The following KCNJ6 variants were observed in gnomAD, a reference collection of about 807,000 sequenced individuals.
KCNJ6 encodes G protein-activated inward rectifier potassium channel 2.
A neutral mutation model predicts 34.2 loss-of-function variants in KCNJ6; 9 were observed. The ratio of observed to expected loss-of-function variants is 0.26; its 90% confidence interval spans 0.16 to 0.46. The LOEUF is 0.46. Among genes scored for constraint, KCNJ6 ranks in the 20% least tolerant of loss-of-function variants. KCNJ6 has a pLI of 1.00. For synonymous variants in KCNJ6, 196 were observed against 207.1 expected (o/e 0.95, Z 0.46); for missense variants, 236 against 531.3 (o/e 0.44, Z 5.46).
chr21:37,674,905 A>G (rs2054557881), intron 3 of KCNJ6, among the ~76,000 whole-genome samples: 2 of 152,192 alleles, frequency 1.3e-5, no homozygotes, highest in Admixed American at 6.5e-5. Flanking sequence ...TGAATGAATA[A>G]TGAATGAATG....
intron 2 of KCNJ6, among the ~76,000 whole-genome samples, chr21:37,820,007 C>G (rs916429092): frequency 1.3e-4 from 20 of 151,852 alleles, no homozygotes; most frequent in African/African-American, 4.6e-4. Flanking sequence ...AGGCTGGTCT[C>G]GAACTCCTGA....
At chr21:37,811,258 T>C (rs1038017152) in intron 2 of KCNJ6, among the ~76,000 whole-genome samples, 4 of 152,238 alleles carry the variant, frequency 2.6e-5, no homozygotes, top group African/African-American at 9.6e-5. Context: ...TCCTCATCTG[T>C]ATCTTTTATA....
intron 2 of KCNJ6, among the ~76,000 whole-genome samples, chr21:37,834,850 T>C (rs2055444077): frequency 6.6e-6 from 1 of 152,226 alleles, no homozygotes; most frequent in African/African-American, 2.4e-5. Context: ...AAAGAAACCA[T>C]AGTCTTTTTG....
At position 37,624,117 on chromosome 21, in the gene KCNJ6, TGGTGACA is replaced by T. The variant is rs2054300405; in HGVS notation, c.*1035_*1041del. The stretch of plus-strand genomic sequence containing the variant: ...CATGTGAAAAGTAAAAACATACCTT[TGGTGACA>T]GGCTAGAGAATATTTCCTTCCTGGT... On this transcript the variant is annotated 3_prime_UTR_variant, in exon 4 of 4. Transcript: ENST00000609713. 6.6e-6 allele frequency: 1 copy of T among 152,190 alleles called. No individual in the cohort carries two copies. The highest frequency in any genetic ancestry group is 1.5e-5 in the Non-Finnish European group (1 of 68,026). The allele number at this position is 152,190 out of a possible 1,614,324, so 9.4% of individuals were successfully genotyped here. A position where few individuals can be genotyped will look rare whatever the true frequency, so the allele number is the denominator to read the frequency against.
intron 3 of KCNJ6, among the ~76,000 whole-genome samples, chr21:37,701,801 G>A (rs2054692445): frequency 6.6e-6 from 1 of 152,140 alleles, no homozygotes; most frequent in Admixed American, 6.5e-5. Flanking sequence ...GTTGGGAAGA[G>A]GTTGGAGGTG....
At chr21:37,771,970 C>T (rs1009578400) in intron 2 of KCNJ6, among the ~76,000 whole-genome samples, 5 of 152,096 alleles carry the variant, frequency 3.3e-5, no homozygotes, top group Non-Finnish European at 7.3e-5. Flanking sequence ...GAATATGGAA[C>T]GATGTTTTCC....
intron 1 of KCNJ6, among the ~76,000 whole-genome samples, chr21:37,897,416 C>T (rs2055794350): frequency 1.3e-5 from 2 of 152,198 alleles, no homozygotes. Flanking sequence ...CCCAAAGCTT[C>T]CCATGCTGGG....
rs1207685652 is a variant in KCNJ6 at position 37,612,909 on chromosome 21, G to A, written c.*12250C>T. Reference sequence around the variant, plus strand: ...ATAGATTTTTAGATAGAACACCAAAGACATGATCATGAAAGAAGTAAATGA... The same window carrying A: ...ATAGATTTTTAGATAGAACACCAAAAACATGATCATGAAAGAAGTAAATGA... On this transcript the variant is annotated 3_prime_UTR_variant, in exon 4 of 4. Transcript: ENST00000609713. 6.6e-6 allele frequency: 1 copy of A among 151,988 alleles called. No individual in the cohort carries two copies. The highest frequency in any genetic ancestry group is 1.5e-5 in the Non-Finnish European group (1 of 68,002). 9.4% of individuals were successfully genotyped at this position (151,988 alleles called of 1,614,324 possible).
In KCNJ6 at chr21:37,616,186, T is replaced by A. The variant is rs1230610510; in HGVS notation, c.*8973A>T. The A allele has an allele frequency of 6.6e-6, 1 of 152,230 alleles. No homozygotes were observed. Among genetic ancestry groups the A allele is most frequent in the South Asian group, 2.1e-4 (1 of 4,830 alleles). The allele number at this position is 152,230 out of a possible 1,614,324, so 9.4% of individuals were successfully genotyped here. A position where few individuals can be genotyped will look rare whatever the true frequency, so the allele number is the denominator to read the frequency against. On this transcript the variant is annotated 3_prime_UTR_variant, in exon 4 of 4. Transcript: ENST00000609713. ...GGAGTTACCATGGCAGCCAAGCACA[T>A]CCTCGGTAACCAGGCACCCACAAGT...
intron 2 of KCNJ6, among the ~76,000 whole-genome samples, chr21:37,834,470 C>G (rs1204629973): frequency 6.6e-6 from 1 of 152,250 alleles, no homozygotes; most frequent in Non-Finnish European, 1.5e-5. Context: ...CAGGATGCTT[C>G]TGCAAGAACG....
At chr21:37,849,369 G>A (rs528749760) in intron 1 of KCNJ6, among the ~76,000 whole-genome samples, 4 of 152,248 alleles carry the variant, frequency 2.6e-5, no homozygotes, top group African/African-American at 2.4e-5. Context: ...TAAGCCTTGC[G>A]GTGGCCAATG....
intron 2 of KCNJ6, among the ~76,000 whole-genome samples, chr21:37,727,473 G>GTC (rs60945220): frequency 2.3e-5 from 3 of 130,672 alleles, no homozygotes; most frequent in African/African-American, 1.1e-4. Context: ...GTGTGTGTGT[G>GTC]TGCATGGATG....
intron 1 of KCNJ6, among the ~76,000 whole-genome samples, chr21:37,849,691 G>A (rs1382172455): frequency 6.6e-6 from 1 of 152,048 alleles, no homozygotes; most frequent in Non-Finnish European, 1.5e-5. Context: ...ACATTGCATT[G>A]CTTCATCCCT....
At chr21:37,783,625 GA>G (rs1463757698) in intron 2 of KCNJ6, among the ~76,000 whole-genome samples, 1 of 152,168 alleles carries the variant, frequency 6.6e-6, no homozygotes, top group African/African-American at 2.4e-5. Flanking sequence ...CCTGCAACCT[GA>G]ATACCTGGAA....
chr21:37,818,193 C>CGTGTGTGTGT (rs200661921), intron 2 of KCNJ6, among the ~76,000 whole-genome samples: 13 of 97,274 alleles, frequency 1.3e-4, no homozygotes, highest in Non-Finnish European at 2.2e-4. Flanking sequence ...CTTAAAAGTG[C>CGTGTGTGTGT]GTGTGTGTGT....
intron 3 of KCNJ6, among the ~76,000 whole-genome samples, chr21:37,635,803 C>T (rs1403737961): frequency 6.6e-6 from 1 of 152,248 alleles, no homozygotes; most frequent in Non-Finnish European, 1.5e-5. Context: ...AGGCATGCGC[C>T]ACCACACCCA....
In KCNJ6 at chr21:37,622,206, A is replaced by G. The variant is rs904334796; in HGVS notation, c.*2953T>C. On this transcript the variant is annotated 3_prime_UTR_variant, in exon 4 of 4. Transcript: ENST00000609713. ...ATTAACCAAACAGACCAAAGGATCT[A>G]GTTGAGAGTGATCTTCATTAGTTAT... The G allele has an allele frequency of 6.6e-6, 1 of 152,268 alleles. No homozygotes were observed. Among genetic ancestry groups the G allele is most frequent in the Admixed American group, 6.5e-5 (1 of 15,290 alleles). The allele number at this position is 152,268 out of a possible 1,614,324, so 9.4% of individuals were successfully genotyped here. A position where few individuals can be genotyped will look rare whatever the true frequency, so the allele number is the denominator to read the frequency against.
At position 37,657,156 on chromosome 21, in the gene KCNJ6, C is replaced by G. The variant is rs528019256; in HGVS notation, c.947-31672G>C. Among the ~76,000 whole-genome samples the G allele has an allele frequency of 3.0e-3, 463 of 152,250 alleles. 5 individuals are homozygous for G. The highest frequency in any genetic ancestry group is 2.3e-3 in the South Asian group (11 of 4,816). ...CCCCTGCCTCACCCCCAGCCGGTCC[C>G]CAGGTATCTGGGACCTGGGAACTCT... On this transcript the variant is annotated intron_variant, in intron 3 of 3. Transcript: ENST00000609713.
chr21:37,685,159 T>G (rs1362938408), intron 3 of KCNJ6, among the ~76,000 whole-genome samples: 1 of 152,086 alleles, frequency 6.6e-6, no homozygotes, highest in Non-Finnish European at 1.5e-5. Flanking sequence ...TATTGAAAGA[T>G]GCCCAACTAC....
Sources: allele counts gnomAD v4.1 joint callset (sites outside exome capture counted in the v4.1 genomes callset), GRCh38; gene constraint gnomAD v4.1.1; transcripts MANE v1.5; gene names NCBI Gene and HGNC (gene_info 2026-07-23, HGNC 2026-07-21).